DOCK2: variants seen among roughly 807,000 people sequenced by gnomAD.
The protein encoded by DOCK2 is dedicator of cytokinesis protein 2.
In DOCK2, 87 loss-of-function variants were observed where a neutral mutation model predicts 248.9. The observed-to-expected ratio is 0.35, with a 90% CI of 0.29 to 0.42. The LOEUF is 0.42. Among genes scored for constraint, DOCK2 ranks in the 10% least tolerant of loss-of-function variants. The probability of loss-of-function intolerance (pLI) is 1.00; values close to 1 mark genes in which losing one functional copy is unlikely to be tolerated. For missense variants in DOCK2, 1,747 were observed against 2,300.2 expected (o/e 0.76, Z 4.92); for synonymous variants, 805 against 821.6 (o/e 0.98, Z 0.35).
intron 44 of DOCK2, among the ~76,000 whole-genome samples, chr5:170,064,123 C>T (rs921182568): frequency 1.3e-5 from 2 of 152,128 alleles, no homozygotes; most frequent in Non-Finnish European, 2.9e-5. Flanking sequence ...TAACATTTCA[C>T]ACTGGATGGC....
intron 8 of DOCK2, among the ~76,000 whole-genome samples, chr5:169,684,810 T>G (rs1759866057): frequency 6.6e-6 from 1 of 152,170 alleles, no homozygotes; most frequent in African/African-American, 2.4e-5. Flanking sequence ...CCACCACACC[T>G]GCTTAATTTT....
intron 27 of DOCK2, among the ~76,000 whole-genome samples, chr5:169,855,448 G>A (rs560627916): frequency 6.6e-6 from 1 of 152,290 alleles, no homozygotes; most frequent in African/African-American, 2.4e-5. Context: ...TAGGAAGTTA[G>A]GCTATAAGCG....
chr5:169,838,172 T>C (rs986520803), intron 26 of DOCK2, among the ~76,000 whole-genome samples: 3 of 152,280 alleles, frequency 2.0e-5, no homozygotes, highest in Non-Finnish European at 4.4e-5. Context: ...GGTCTATCCA[T>C]CTTGACAGAT....
intron 33 of DOCK2, among the ~76,000 whole-genome samples, chr5:170,022,707 G>C (rs1755772179): frequency 6.6e-6 from 1 of 151,910 alleles, no homozygotes; most frequent in African/African-American, 2.4e-5. Flanking sequence ...CATCACACTT[G>C]TCCCACACAG....
chr5:169,986,599 A>T (rs755969220), intron 29 of DOCK2, among the ~76,000 whole-genome samples: 1 of 152,226 alleles, frequency 6.6e-6, no homozygotes, highest in African/African-American at 2.4e-5. Context: ...TAAAATCCAA[A>T]TTATAACATT....
intron 29 of DOCK2, among the ~76,000 whole-genome samples, chr5:169,993,049 T>C (rs1190779482): frequency 1.3e-5 from 2 of 152,234 alleles, no homozygotes; most frequent in East Asian, 3.8e-4. Flanking sequence ...GCTTTGTTGG[T>C]GCTGAGAATG....
intron 27 of DOCK2, among the ~76,000 whole-genome samples, chr5:169,844,644 A>G (rs1044258735): frequency 5.3e-5 from 8 of 151,924 alleles, no homozygotes; most frequent in Non-Finnish European, 1.0e-4. Context: ...AGCCCTTTGG[A>G]TTATAACTGT....
At chr5:169,905,622 C>G (rs1041290496) in intron 27 of DOCK2, among the ~76,000 whole-genome samples, 7 of 152,138 alleles carry the variant, frequency 4.6e-5, no homozygotes, top group African/African-American at 1.7e-4. Flanking sequence ...CAGAATGGAA[C>G]TGAAATAGAG....
chr5:169,637,505 G>T lies in DOCK2; in HGVS notation c.43+136G>T, dbSNP rs914593805. 7.5e-5 allele frequency: 78 copies of T among 1,037,008 alleles called. No individual in the cohort carries two copies. The Middle Eastern group carries it at 1.0e-3, about 14-fold the overall frequency. The allele number at this position is 1,037,008 out of a possible 1,614,324, so 64.2% of individuals were successfully genotyped here. ...CAGGTCAGAGGGCGCAGCCTGCGGC[G>T]GGGCCTCGGGGCGGGAAAGCCGAGG... On this transcript the variant is annotated intron_variant, in intron 1 of 51. Transcript: ENST00000520908.
At chr5:169,826,337 G>A (rs1280318240) in intron 26 of DOCK2, among the ~76,000 whole-genome samples, 2 of 152,242 alleles carry the variant, frequency 1.3e-5, no homozygotes, top group African/African-American at 2.4e-5. Flanking sequence ...CTGGTGAACA[G>A]GATATTAGCA....
At chr5:170,018,333 A>T (rs1755606986) in intron 32 of DOCK2, among the ~76,000 whole-genome samples, 1 of 152,164 alleles carries the variant, frequency 6.6e-6, no homozygotes, top group African/African-American at 2.4e-5. Flanking sequence ...CTGTGGGGGA[A>T]GCAAGGTGAA....
chr5:170,033,413 G>A (rs1392809626), intron 34 of DOCK2, among the ~76,000 whole-genome samples: 1 of 152,088 alleles, frequency 6.6e-6, no homozygotes, highest in Non-Finnish European at 1.5e-5. Context: ...ATAGAAAAAT[G>A]GAGGCTTTTC....
At chr5:169,689,740 G>GA (rs1760187161) in intron 9 of DOCK2, among the ~76,000 whole-genome samples, 2 of 152,102 alleles carry the variant, frequency 1.3e-5, no homozygotes, top group African/African-American at 2.4e-5. Context: ...AAATATATCA[G>GA]AAAAAAATAG....
Position 169,887,032 on chromosome 5 carries a change from A to T in DOCK2, c.2799+46180A>T, listed in dbSNP as rs182824263. 2.8e-4 allele frequency among the ~76,000 whole-genome samples: 42 copies of T among 152,338 alleles called. 1 individual carries two copies. Among genetic ancestry groups the T allele is most frequent in the African/African-American group, 1.0e-3 (42 of 41,584 alleles). On this transcript the variant is annotated intron_variant, in intron 27 of 51. Coordinates refer to ENST00000520908, the MANE Select transcript of DOCK2 (RefSeq NM_004946.3). Reference sequence around the variant, plus strand: ...TGAGGCACAGAAGATGAATATATTTATACCAAGTTATTCACACTGATAAGT... The same window carrying T: ...TGAGGCACAGAAGATGAATATATTTTTACCAAGTTATTCACACTGATAAGT...
chr5:169,821,640 C>T (rs189601498), intron 26 of DOCK2, among the ~76,000 whole-genome samples: 2 of 152,318 alleles, frequency 1.3e-5, no homozygotes, highest in African/African-American at 2.4e-5. Context: ...TGGAAAGGAA[C>T]AACCAGTACC....
intron 44 of DOCK2, among the ~76,000 whole-genome samples, chr5:170,060,470 G>A (rs752661724): frequency 9.2e-5 from 14 of 152,166 alleles, no homozygotes; most frequent in Non-Finnish European, 5.9e-5. Context: ...ATTTTTAAAG[G>A]CTAGAATCAA....
At chr5:170,068,091 A>G (rs1267344211) in intron 45 of DOCK2, among the ~76,000 whole-genome samples, 2 of 152,188 alleles carry the variant, frequency 1.3e-5, no homozygotes, top group Non-Finnish European at 2.9e-5. Flanking sequence ...AAAGAAATGA[A>G]ACTCAGAATC....
At chr5:169,675,701 G>T (rs1759297895) in intron 6 of DOCK2, among the ~76,000 whole-genome samples, 1 of 152,160 alleles carries the variant, frequency 6.6e-6, no homozygotes, top group African/African-American at 2.4e-5. Flanking sequence ...CTGCAAAGTG[G>T]GTCTGAAGGC....
chr5:169,761,353 C>T, intron 24 of DOCK2, 166 bp from the exon 25 acceptor site: 3 of 622,780 alleles, frequency 4.8e-6, no homozygotes, highest in Non-Finnish European at 5.7e-6. Context: ...TATTCTATAC[C>T]AAGAACAACT....
Sources: gnomAD v4.1 joint callset for allele counts (sites outside exome capture counted in the v4.1 genomes callset) on GRCh38, gnomAD v4.1.1 for gene constraint, MANE v1.5 for transcripts, NCBI Gene and HGNC (gene_info 2026-07-23, HGNC 2026-07-21) for gene names.